The following SLC5A12 variants were observed in gnomAD, a reference collection of about 807,000 sequenced individuals.
The protein encoded by SLC5A12 is sodium-coupled monocarboxylate transporter 2.
A neutral mutation model predicts 72.7 loss-of-function variants in SLC5A12; 46 were observed. That is an observed-to-expected ratio of 0.63 (90% confidence interval 0.50 to 0.81). SLC5A12 has a LOEUF of 0.81. SLC5A12 is among the 30% of genes least tolerant of loss of function. The probability of loss-of-function intolerance (pLI) is 0.00; values close to 1 mark genes in which losing one functional copy is unlikely to be tolerated. For synonymous variants in SLC5A12, 275 were observed against 264.4 expected (o/e 1.04, Z -0.39); for missense variants, 683 against 740.7 (o/e 0.92, Z 0.90).
intron 6 of SLC5A12, among the ~76,000 whole-genome samples, chr11:26,698,830 G>A (rs1043943891): frequency 1.3e-5 from 2 of 152,074 alleles, no homozygotes; most frequent in African/African-American, 4.8e-5. Context: ...CTATTCTCTT[G>A]GATGAAATTT....
intron 1 of SLC5A12, among the ~76,000 whole-genome samples, chr11:26,713,626 T>C (rs1480601233): frequency 6.6e-6 from 1 of 152,168 alleles, no homozygotes; most frequent in African/African-American, 2.4e-5. Flanking sequence ...ATGGCACTAA[T>C]ATTAAGACTT....
chr11:26,675,995 C>CTG (rs1375860511), intron 13 of SLC5A12, among the ~76,000 whole-genome samples: 2 of 142,518 alleles, frequency 1.4e-5, no homozygotes, highest in Non-Finnish European at 3.1e-5. Flanking sequence ...GTACCTCTGT[C>CTG]TGTGTGTGTG....
intron 8 of SLC5A12, among the ~76,000 whole-genome samples, chr11:26,693,346 A>G (rs1854729865): frequency 6.6e-6 from 1 of 152,212 alleles, no homozygotes; most frequent in African/African-American, 2.4e-5. Flanking sequence ...TAAAGCTACC[A>G]GAGTTGCTAG....
At chr11:26,674,382 A>AAAAAAAG (rs1388870398) in intron 13 of SLC5A12, among the ~76,000 whole-genome samples, 1 of 151,264 alleles carries the variant, frequency 6.6e-6, no homozygotes, top group Non-Finnish European at 1.5e-5. Context: ...AGAGACAAAA[A>AAAAAAAG]AAATAAAAAA....
intron 6 of SLC5A12, among the ~76,000 whole-genome samples, chr11:26,700,353 A>G (rs755795271): frequency 1.2e-4 from 18 of 152,138 alleles, no homozygotes; most frequent in Non-Finnish European, 2.6e-4. Flanking sequence ...TGTTTGTAAA[A>G]TAGGCTTTTT....
At chr11:26,676,463 A>G (rs1854269878) in intron 13 of SLC5A12, among the ~76,000 whole-genome samples, 1 of 152,102 alleles carries the variant, frequency 6.6e-6, no homozygotes, top group Non-Finnish European at 1.5e-5. Flanking sequence ...TAAAGATTTT[A>G]TATCTGAGAC....
rs749549518 is a variant in SLC5A12 at position 26,669,213 on chromosome 11, T to TTC, written c.*1887_*1888dup. ...TTTCTTTCTTTCTTTCTTTCTTTCT[T>TTC]TCTTTCTCTCTCTCCCTCCCTCTTT... On this transcript the variant is annotated 3_prime_UTR_variant, in exon 15 of 15. Coordinates refer to ENST00000396005, the MANE Select transcript of SLC5A12 (RefSeq NM_178498.4). The TTC allele has an allele frequency of 1.6e-4, 18 of 110,968 alleles. No homozygotes were observed. Among genetic ancestry groups the TTC allele is most frequent in the South Asian group, 3.2e-4 (1 of 3,114 alleles). 6.9% of individuals were successfully genotyped at this position (110,968 alleles called of 1,614,324 possible).
chr11:26,720,008 T>G (rs1855441326), intron 1 of SLC5A12, among the ~76,000 whole-genome samples: 1 of 152,218 alleles, frequency 6.6e-6, no homozygotes, highest in Non-Finnish European at 1.5e-5. Flanking sequence ...AAAAGATTGT[T>G]TTAAGGCCAA....
intron 4 of SLC5A12, among the ~76,000 whole-genome samples, chr11:26,708,533 C>T (rs1247797767): frequency 6.6e-6 from 1 of 151,960 alleles, no homozygotes; most frequent in Non-Finnish European, 1.5e-5. Context: ...CATGAATCAT[C>T]TGCTATATGA....
chr11:26,718,527 C>A (rs1295593670), intron 1 of SLC5A12, among the ~76,000 whole-genome samples: 2 of 151,948 alleles, frequency 1.3e-5, no homozygotes, highest in African/African-American at 2.4e-5. Context: ...TGGATCTCGG[C>A]AGTTCACTGC....
chr11:26,722,819 T>A (rs540174244), upstream of SLC5A12, among the ~76,000 whole-genome samples: 286 of 151,434 alleles, frequency 1.9e-3, no homozygotes, highest in African/African-American at 6.7e-3. Flanking sequence ...CTTCTCCTCC[T>A]TCTTCAGTGG....
At chr11:26,691,344 T>C (rs2133168272) in intron 9 of SLC5A12, among the ~76,000 whole-genome samples, 1 of 152,288 alleles carries the variant, frequency 6.6e-6, no homozygotes, top group Admixed American at 6.5e-5. Flanking sequence ...ACTAGAACCA[T>C]ATTTCATAAT....
intron 4 of SLC5A12, among the ~76,000 whole-genome samples, chr11:26,704,227 A>G (rs1241909894): frequency 3.3e-5 from 5 of 152,214 alleles, no homozygotes; most frequent in African/African-American, 1.2e-4. Context: ...AGTGCAATTA[A>G]GAAAGACAGG....
Position 26,712,700 on chromosome 11 carries a change from G to A in SLC5A12, c.346C>T (p.Gln116Ter). 6.3e-7 allele frequency: 1 copy of A among 1,586,688 alleles called. No homozygotes were observed. Among genetic ancestry groups the A allele is most frequent in the Non-Finnish European group, 8.6e-7 (1 of 1,159,936 alleles). The change falls in exon 2 of 15, where the codon CAA (glutamine) becomes TAA (stop). Residue 116 changes from glutamine to a stop codon, truncating the protein, a stop_gained. Coordinates refer to ENST00000396005, the MANE Select transcript of SLC5A12 (RefSeq NM_178498.4). LOFTEE classifies it high-confidence loss of function. ...SGITSTYEYL[Q>*]LRFNKPVRYA... is the part of the protein sequence containing the mutation. Reference sequence around the variant, plus strand: ...CGAACTGGTTTGTTGAATCGTAGTTGTAAGTACTAAAGGAAACAGAAAGAC... The same window carrying A: ...CGAACTGGTTTGTTGAATCGTAGTTATAAGTACTAAAGGAAACAGAAAGAC...
intron 8 of SLC5A12, among the ~76,000 whole-genome samples, chr11:26,695,806 G>A (rs146303326): frequency 2.0e-5 from 3 of 152,194 alleles, no homozygotes; most frequent in African/African-American, 7.2e-5. Flanking sequence ...ATAAAGGCTT[G>A]TTGTGATCTG....
intron 8 of SLC5A12, among the ~76,000 whole-genome samples, chr11:26,696,244 C>T (rs1854809116): frequency 6.6e-6 from 1 of 152,162 alleles, no homozygotes; most frequent in African/African-American, 2.4e-5. Flanking sequence ...TTGTTCTCTG[C>T]AGTATCCCTG....
Position 26,681,468 on chromosome 11 carries a change from T to C in SLC5A12, c.1309-247A>G, listed in dbSNP as rs964240185. 2.6e-5 allele frequency among the ~76,000 whole-genome samples: 4 copies of C among 152,318 alleles called. No homozygotes were observed. The South Asian group carries it at 8.3e-4, about 32-fold the overall frequency. On this transcript the variant is annotated intron_variant, in intron 11 of 14. Transcript: ENST00000396005. ...ATGGTGATCATTATATTTAGATTTC[T>C]AGCAATAATTATTTTTCTCCTTAGG...
chr11:26,693,316 A>G (rs1304934905), intron 8 of SLC5A12, among the ~76,000 whole-genome samples: 1 of 152,200 alleles, frequency 6.6e-6, no homozygotes, highest in African/African-American at 2.4e-5. Context: ...CATAAAAAGG[A>G]GCTGTTACAT....
chr11:26,673,034 C>T (rs1293305088), intron 14 of SLC5A12, among the ~76,000 whole-genome samples: 1 of 152,034 alleles, frequency 6.6e-6, no homozygotes. Flanking sequence ...AGGATTAATC[C>T]CAGGACTGTC....
Sources: gnomAD v4.1 joint callset for allele counts (sites outside exome capture counted in the v4.1 genomes callset) on GRCh38, gnomAD v4.1.1 for gene constraint, MANE v1.5 for transcripts, NCBI Gene and HGNC (gene_info 2026-07-23, HGNC 2026-07-21) for gene names.